The following SLC24A2 variants were observed in gnomAD, a reference collection of about 807,000 sequenced individuals.
The protein encoded by SLC24A2 is solute carrier family 24 member 2, also known as sodium/potassium/calcium exchanger 2.
Under a neutral mutation model 62.0 loss-of-function variants are expected in SLC24A2, and 36 were observed. The observed-to-expected ratio is 0.58, with a 90% CI of 0.44 to 0.77. The LOEUF (loss-of-function observed/expected upper bound fraction) is 0.77. Among genes scored for constraint, SLC24A2 ranks in the 30% least tolerant of loss-of-function variants. The probability of loss-of-function intolerance (pLI) is 0.00; values close to 1 mark genes in which losing one functional copy is unlikely to be tolerated. For missense variants in SLC24A2, 846 were observed against 817.9 expected, an observed-to-expected ratio of 1.03 and a Z score of -0.42; for synonymous variants, 358 against 294.0, an observed-to-expected ratio of 1.22 and a Z score of -2.23.
the SLC24A2 span, among the ~76,000 whole-genome samples, chr9:20,076,772 G>A: frequency 4.0e-5 from 6 of 151,104 alleles, no homozygotes; most frequent in African/African-American, 1.2e-4. Context: ...GATTGTTTCC[G>A]TATCTTGACT....
intron 2 of SLC24A2, among the ~76,000 whole-genome samples, chr9:19,773,786 A>T (rs1482656768): frequency 6.6e-6 from 1 of 152,238 alleles, no homozygotes; most frequent in Non-Finnish European, 1.5e-5. Flanking sequence ...AGATAGGTGC[A>T]TGAATAGCTA....
At chr9:19,581,929 C>T (rs1384076818) in intron 5 of SLC24A2, among the ~76,000 whole-genome samples, 1 of 151,952 alleles carries the variant, frequency 6.6e-6, no homozygotes, top group African/African-American at 2.4e-5. Flanking sequence ...TGGTCTAAAC[C>T]CTTAAAGTGT....
the SLC24A2 span, among the ~76,000 whole-genome samples, chr9:19,938,678 C>T: frequency 6.6e-6 from 1 of 152,034 alleles, no homozygotes; most frequent in African/African-American, 2.4e-5. Flanking sequence ...TGTTGTTAAC[C>T]CTCTAGTGAT....
chr9:19,889,369 A>AATT, the SLC24A2 span, among the ~76,000 whole-genome samples: 622 of 151,292 alleles, frequency 4.1e-3, 5 homozygotes, highest in African/African-American at 0.014. Flanking sequence ...CATAAATTGT[A>AATT]ATTATTATTA....
chr9:19,939,532 G>C, the SLC24A2 span, among the ~76,000 whole-genome samples: 2 of 152,340 alleles, frequency 1.3e-5, no homozygotes, highest in African/African-American at 4.8e-5. Context: ...GAGCTTGCAG[G>C]ACTGGAAGGT....
the SLC24A2 span, among the ~76,000 whole-genome samples, chr9:19,826,004 T>G: frequency 6.6e-6 from 1 of 151,988 alleles, no homozygotes; most frequent in Non-Finnish European, 1.5e-5. Context: ...TAGTTTCTGT[T>G]AAATATAGAA....
At position 19,632,184 on chromosome 9, in the gene SLC24A2, TC is replaced by T. The variant is rs1818197046; in HGVS notation, c.931-9886del. Among the ~76,000 whole-genome samples, 2 of 152,166 alleles carry T rather than the reference TC, an allele frequency of 1.3e-5. No homozygotes were observed. The highest frequency in any genetic ancestry group is 4.8e-5 in the African/African-American group (2 of 41,442). The stretch of plus-strand genomic sequence containing the variant: ...GTCAAATTAAGATTCAAACTTATCC[TC>T]AACATCTCAGCTCACTCCCTGCACC... On this transcript the variant is annotated intron_variant, in intron 2 of 10. Transcript: ENST00000341998. The surrounding 1 kb of genome is among the most constrained non-coding windows in gnomAD (Gnocchi z 4.5).
rs1277056018 is a variant in SLC24A2, at chr9:19,507,558, G to C, written c.*8595C>G. On this transcript the variant is annotated 3_prime_UTR_variant, in exon 11 of 11. Transcript: ENST00000341998. ...TGATTATCAGTAGTAGAAGCACAAA[G>C]GTATGGACAGTGAAACAAGAAGAAA... The C allele has an allele frequency of 6.6e-6, 1 of 152,154 alleles. No homozygotes were observed. Among genetic ancestry groups the C allele is most frequent in the Non-Finnish European group, 1.5e-5 (1 of 68,038 alleles). 9.4% of individuals were successfully genotyped at this position (152,154 alleles called of 1,614,324 possible). A position where few individuals can be genotyped will look rare whatever the true frequency, so the allele number is the denominator to read the frequency against.
At chr9:20,184,367 T>C in the SLC24A2 span, among the ~76,000 whole-genome samples, 45 of 151,944 alleles carry the variant, frequency 3.0e-4, no homozygotes, top group South Asian at 2.1e-3. Context: ...CTGGCCAACA[T>C]GGTGAAACCC....
intron 2 of SLC24A2, among the ~76,000 whole-genome samples, chr9:19,639,260 G>T (rs906739601): frequency 3.3e-5 from 5 of 152,164 alleles, no homozygotes; most frequent in Admixed American, 2.0e-4. Context: ...TTGCAAAATG[G>T]CTGCAATTCT....
At chr9:20,014,555 A>G in the SLC24A2 span, among the ~76,000 whole-genome samples, 1 of 151,700 alleles carries the variant, frequency 6.6e-6, no homozygotes, top group African/African-American at 2.4e-5. Context: ...AGCCTTAAAA[A>G]GAGGAAAAAC....
rs554005500 is a variant in SLC24A2, at chr9:19,589,411, A to G, written c.1129+7818T>C. On this transcript the variant is annotated intron_variant, in intron 5 of 10. Transcript: ENST00000341998. ...GTGGTCATCTCTAGGGAATGGATGG[A>G]ATCTGGGGTAGGAAAGAGATTCACT... Among the ~76,000 whole-genome samples the G allele has an allele frequency of 2.0e-5, 3 of 152,360 alleles. No individual in the cohort carries two copies. The East Asian group carries it at 5.8e-4, about 29-fold the overall frequency.
At chr9:20,277,063 C>T in the SLC24A2 span, among the ~76,000 whole-genome samples, 1 of 152,210 alleles carries the variant, frequency 6.6e-6, no homozygotes. Context: ...TGTGGCTCCT[C>T]ATTACCTTTG....
the SLC24A2 span, among the ~76,000 whole-genome samples, chr9:20,237,087 G>A: frequency 1.3e-5 from 2 of 152,118 alleles, no homozygotes; most frequent in African/African-American, 4.8e-5. Context: ...TAATCTGGGG[G>A]CTCAGGGCAA....
At chr9:20,141,595 G>C in the SLC24A2 span, among the ~76,000 whole-genome samples, 1 of 151,226 alleles carries the variant, frequency 6.6e-6, no homozygotes, top group Non-Finnish European at 1.5e-5. Context: ...TATAATACTT[G>C]AGAAAGCCCT....
the SLC24A2 span, among the ~76,000 whole-genome samples, chr9:19,801,785 C>A: frequency 4.6e-5 from 7 of 152,166 alleles, no homozygotes; most frequent in Admixed American, 1.3e-4. Context: ...ATTTTTAGTC[C>A]GCCTAGGAAA....
chr9:20,165,688 C>A, the SLC24A2 span, among the ~76,000 whole-genome samples: 3 of 151,704 alleles, frequency 2.0e-5, no homozygotes, highest in Non-Finnish European at 4.4e-5. Flanking sequence ...TGTATAAGTA[C>A]TAGAACAAAA....
the SLC24A2 span, among the ~76,000 whole-genome samples, chr9:20,251,484 T>C: frequency 2.6e-5 from 4 of 152,220 alleles, no homozygotes; most frequent in African/African-American, 9.6e-5. Context: ...TGCATTTTCT[T>C]CATTAAACTT....
chr9:20,133,877 G>C, the SLC24A2 span, among the ~76,000 whole-genome samples: 1 of 152,274 alleles, frequency 6.6e-6, no homozygotes, highest in Non-Finnish European at 1.5e-5. Context: ...ATACCTATGA[G>C]AAGTATCTGA....
Sources: allele counts gnomAD v4.1 joint callset (sites outside exome capture counted in the v4.1 genomes callset), GRCh38; gene constraint gnomAD v4.1.1; non-coding constraint Gnocchi (gnomAD v3.1); transcripts MANE v1.5; gene names NCBI Gene and HGNC (gene_info 2026-07-23, HGNC 2026-07-21).